The following PCED1B variants were observed in gnomAD, a reference collection of about 807,000 sequenced individuals.
PCED1B encodes PC-esterase domain-containing protein 1B.
For synonymous variants in PCED1B, 251 were observed against 246.1 expected (o/e 1.02, Z -0.19); for missense variants, 573 against 573.9 (o/e 1.00, Z 0.02).
chr12:47,145,483 CT>C (rs1940751026), intron 2 of PCED1B, among the ~76,000 whole-genome samples: 1 of 152,196 alleles, frequency 6.6e-6, no homozygotes, highest in Non-Finnish European at 1.5e-5. Flanking sequence ...CCGTCTAGGA[CT>C]TGCATAGCTA....
chr12:47,211,427 G>C (rs1308954966), intron 2 of PCED1B, among the ~76,000 whole-genome samples: 1 of 151,550 alleles, frequency 6.6e-6, no homozygotes, highest in Non-Finnish European at 1.5e-5. Context: ...TGAGGCATGT[G>C]GATCACTTGA....
intron 1 of PCED1B, among the ~76,000 whole-genome samples, chr12:47,088,919 G>A (rs1198339640): frequency 6.6e-6 from 1 of 152,110 alleles, no homozygotes; most frequent in Non-Finnish European, 1.5e-5. Flanking sequence ...CCTTTCCTGG[G>A]AAGGCTCTAA....
At chr12:47,112,615 T>C (rs576189798) in intron 2 of PCED1B, among the ~76,000 whole-genome samples, 23 of 152,350 alleles carry the variant, frequency 1.5e-4, no homozygotes, top group African/African-American at 5.3e-4. Context: ...AATTAGAAAT[T>C]TGAGTGTTTG....
intron 2 of PCED1B, among the ~76,000 whole-genome samples, chr12:47,141,880 G>T (rs966757291): frequency 6.6e-6 from 1 of 152,130 alleles, no homozygotes; most frequent in African/African-American, 2.4e-5. Context: ...TCCCAGGGCA[G>T]TCCTTCCCAC....
At chr12:47,156,588 G>A (rs942030532) in intron 2 of PCED1B, among the ~76,000 whole-genome samples, 1 of 151,706 alleles carries the variant, frequency 6.6e-6, no homozygotes, top group African/African-American at 2.4e-5. Context: ...GCTTCTGCTT[G>A]GAACACCCTT....
intron 3 of PCED1B, among the ~76,000 whole-genome samples, chr12:47,234,670 A>G (rs958418635): frequency 6.6e-6 from 1 of 152,150 alleles, no homozygotes; most frequent in African/African-American, 2.4e-5. Context: ...TTGGCTAGGC[A>G]TTCTGCTAGC....
intron 1 of PCED1B, among the ~76,000 whole-genome samples, chr12:47,100,052 G>A (rs1938636459): frequency 6.6e-6 from 1 of 152,192 alleles, no homozygotes. Flanking sequence ...TTCTATTTAA[G>A]ACCAATGTGG....
intron 2 of PCED1B, among the ~76,000 whole-genome samples, chr12:47,150,513 G>A (rs1949862): frequency 0.28 from 42,424 of 151,596 alleles, 6,643 homozygotes; most frequent in East Asian, 0.52. Context: ...GGGAAGCAGA[G>A]GTTGCAGCAA....
intron 2 of PCED1B, among the ~76,000 whole-genome samples, chr12:47,193,547 A>G (rs1241259726): frequency 6.6e-6 from 1 of 152,172 alleles, no homozygotes; most frequent in Non-Finnish European, 1.5e-5. Flanking sequence ...GCTGACCCCC[A>G]AAACAAAAGA....
intron 2 of PCED1B, among the ~76,000 whole-genome samples, chr12:47,190,656 G>A (rs372848852): frequency 3.3e-5 from 5 of 152,202 alleles, no homozygotes; most frequent in East Asian, 1.9e-4. Context: ...TGGTTTCTGC[G>A]TGGCAGGCAT....
intron 1 of PCED1B, among the ~76,000 whole-genome samples, chr12:47,096,929 G>A (rs1938504732): frequency 6.6e-6 from 1 of 152,202 alleles, no homozygotes; most frequent in Non-Finnish European, 1.5e-5. Context: ...GATTGCTTTA[G>A]TAGCAAGATC....
intron 3 of PCED1B, among the ~76,000 whole-genome samples, chr12:47,224,455 T>G (rs1565612718): frequency 6.6e-6 from 1 of 152,236 alleles, no homozygotes; most frequent in South Asian, 2.1e-4. Flanking sequence ...GTGTTTGAGA[T>G]TCTTCTGCTG....
chr12:47,159,270 T>G (rs1592217595), intron 2 of PCED1B, among the ~76,000 whole-genome samples: 1 of 152,216 alleles, frequency 6.6e-6, no homozygotes, highest in Non-Finnish European at 1.5e-5. Context: ...GTAGTGGGAC[T>G]GCTGGATTGT....
chr12:47,159,870 G>T (rs1487186913), intron 2 of PCED1B, among the ~76,000 whole-genome samples: 3 of 152,116 alleles, frequency 2.0e-5, no homozygotes, highest in Non-Finnish European at 4.4e-5. Flanking sequence ...TATAGTTTCG[G>T]ATCTTATGTT....
At chr12:47,185,779 C>G (rs1942237921) in intron 2 of PCED1B, among the ~76,000 whole-genome samples, 1 of 128,496 alleles carries the variant, frequency 7.8e-6, no homozygotes, top group Admixed American at 7.6e-5. Flanking sequence ...AACAGCAGAG[C>G]TAGACTCAGT....
intron 2 of PCED1B, chr12:47,135,822 T>C (rs1042514895): frequency 2.1e-6 from 1 of 484,324 alleles, no homozygotes; most frequent in Non-Finnish European, 4.1e-6. Context: ...AGCCACCTCA[T>C]GCTTCTCCTT....
chr12:47,188,052 C>T (rs1387201843), intron 2 of PCED1B, among the ~76,000 whole-genome samples: 1 of 152,122 alleles, frequency 6.6e-6, no homozygotes, highest in Non-Finnish European at 1.5e-5. Flanking sequence ...TACCTGGAAG[C>T]ACCTCTTCCT....
At chr12:47,153,288 T>TA (rs1332836309) in intron 2 of PCED1B, among the ~76,000 whole-genome samples, 4 of 145,040 alleles carry the variant, frequency 2.8e-5, no homozygotes, top group African/African-American at 1.0e-4. Context: ...AGGTGGAGCT[T>TA]ACAGTGAGCA....
At chr12:47,150,789 G>A (rs970464600) in intron 2 of PCED1B, among the ~76,000 whole-genome samples, 5 of 152,060 alleles carry the variant, frequency 3.3e-5, no homozygotes, top group South Asian at 2.1e-4. Context: ...ACTGGGGTCC[G>A]CAAGAGTCTG....
Sources: gnomAD v4.1 joint callset for allele counts (sites outside exome capture counted in the v4.1 genomes callset) on GRCh38, gnomAD v4.1.1 for gene constraint, MANE v1.5 for transcripts, NCBI Gene and HGNC (gene_info 2026-07-23, HGNC 2026-07-21) for gene names.